The following ZBTB20 variants were observed in gnomAD, a reference collection of about 807,000 sequenced individuals.
The protein encoded by ZBTB20 is zinc finger and BTB domain-containing protein 20.
In ZBTB20, 9 loss-of-function variants were observed where a neutral mutation model predicts 56.9. That is an observed-to-expected ratio of 0.16 (90% confidence interval 0.10 to 0.28). The LOEUF is 0.28. Among genes scored for constraint, ZBTB20 ranks in the 10% least tolerant of loss-of-function variants. ZBTB20 has a pLI of 1.00. For missense variants in ZBTB20, 655 were observed against 1,003.0 expected, an observed-to-expected ratio of 0.65 and a Z score of 4.69; for synonymous variants, 417 against 420.7, an observed-to-expected ratio of 0.99 and a Z score of 0.11.
intron 1 of ZBTB20, among the ~76,000 whole-genome samples, chr3:115,106,720 A>C (rs916436985): frequency 4.6e-5 from 7 of 152,186 alleles, no homozygotes. Context: ...AGTCATTGGA[A>C]GTACATTTAT....
chr3:114,473,412 GA>G (rs1372611244), intron 7 of ZBTB20, among the ~76,000 whole-genome samples: 1 of 152,166 alleles, frequency 6.6e-6, no homozygotes, highest in Non-Finnish European at 1.5e-5. Flanking sequence ...AGTGAGTCAT[GA>G]AAAATGCATA....
chr3:114,909,658 A>T (rs1259232639), intron 3 of ZBTB20, among the ~76,000 whole-genome samples: 1 of 152,008 alleles, frequency 6.6e-6, no homozygotes, highest in African/African-American at 2.4e-5. Flanking sequence ...ATACGTGTAC[A>T]ATAGGCCATA....
intron 2 of ZBTB20, among the ~76,000 whole-genome samples, chr3:115,005,030 C>A (rs1054148935): frequency 6.6e-5 from 10 of 151,218 alleles, no homozygotes; most frequent in African/African-American, 2.4e-4. Flanking sequence ...TGTGTGTGGG[C>A]CTGTTTATGA....
At chr3:114,588,647 G>A (rs2055427535) in intron 6 of ZBTB20, among the ~76,000 whole-genome samples, 2 of 151,944 alleles carry the variant, frequency 1.3e-5, no homozygotes, top group South Asian at 4.2e-4. Flanking sequence ...AAGATCCCAG[G>A]GCAAAAATAT....
chr3:115,122,783 A>C (rs1241589662), intron 1 of ZBTB20, among the ~76,000 whole-genome samples: 3 of 152,226 alleles, frequency 2.0e-5, no homozygotes, highest in Non-Finnish European at 4.4e-5. Flanking sequence ...TAAGAACCTC[A>C]GTGTCCACCA....
intron 5 of ZBTB20, among the ~76,000 whole-genome samples, chr3:114,714,668 T>TTA (rs1454038609): frequency 6.6e-6 from 1 of 152,182 alleles, no homozygotes; most frequent in Non-Finnish European, 1.5e-5. Flanking sequence ...CAGAATGACA[T>TTA]TATACAAGGT....
At chr3:114,547,633 T>A (rs192426533) in intron 6 of ZBTB20, among the ~76,000 whole-genome samples, 5 of 152,212 alleles carry the variant, frequency 3.3e-5, no homozygotes, top group Admixed American at 3.3e-4. Flanking sequence ...TGTGAATGCA[T>A]GTGTGTTACT....
chr3:114,463,350 G>A (rs1184314016), intron 7 of ZBTB20, among the ~76,000 whole-genome samples: 1 of 152,144 alleles, frequency 6.6e-6, no homozygotes, highest in Non-Finnish European at 1.5e-5. Flanking sequence ...TGCCTCCAAG[G>A]TTTCCCCCTG....
chr3:114,571,011 T>C (rs967021350), intron 6 of ZBTB20, among the ~76,000 whole-genome samples: 1 of 152,178 alleles, frequency 6.6e-6, no homozygotes. Context: ...GACTTTTTGT[T>C]TTGTTTTTAT....
At chr3:114,697,035 GA>G (rs1191753621) in intron 5 of ZBTB20, among the ~76,000 whole-genome samples, 3 of 135,198 alleles carry the variant, frequency 2.2e-5, no homozygotes, top group Non-Finnish European at 4.6e-5. Context: ...CTTTCATTAA[GA>G]CTTTGGAGTT....
At chr3:115,129,502 G>A (rs972943323) in intron 1 of ZBTB20, among the ~76,000 whole-genome samples, 1 of 152,232 alleles carries the variant, frequency 6.6e-6, no homozygotes, top group Middle Eastern at 3.4e-3. Context: ...CCAAAAAAAT[G>A]GCCAATGGCA....
intron 4 of ZBTB20, among the ~76,000 whole-genome samples, chr3:114,844,804 ATGAT>A (rs1284823918): frequency 1.3e-5 from 2 of 149,290 alleles, no homozygotes; most frequent in Non-Finnish European, 3.0e-5. Context: ...TCTTCTAACA[ATGAT>A]TGATATTGAG....
intron 7 of ZBTB20, among the ~76,000 whole-genome samples, chr3:114,466,240 A>C (rs1349614777): frequency 6.6e-6 from 1 of 152,212 alleles, no homozygotes; most frequent in Non-Finnish European, 1.5e-5. Flanking sequence ...ACCCTCACTA[A>C]CACAATGTGC....
intron 2 of ZBTB20, among the ~76,000 whole-genome samples, chr3:115,045,753 G>A (rs1449608795): frequency 6.6e-6 from 1 of 152,032 alleles, no homozygotes; most frequent in East Asian, 1.9e-4. Flanking sequence ...TTTCAGAATA[G>A]ATTATTTCTT....
intron 4 of ZBTB20, among the ~76,000 whole-genome samples, chr3:114,861,103 C>T (rs780489475): frequency 5.3e-4 from 80 of 152,330 alleles, no homozygotes; most frequent in Non-Finnish European, 8.7e-4. Context: ...GACTGGAATG[C>T]TCTTCCTCTA....
At chr3:114,867,983 T>A (rs774374083) in intron 4 of ZBTB20, among the ~76,000 whole-genome samples, 1 of 152,104 alleles carries the variant, frequency 6.6e-6, no homozygotes, top group Non-Finnish European at 1.5e-5. Flanking sequence ...TTAGTTAGAT[T>A]TGGGGCCAGT....
chr3:115,096,195 T>C (rs1270025842), intron 1 of ZBTB20, among the ~76,000 whole-genome samples: 1 of 152,202 alleles, frequency 6.6e-6, no homozygotes, highest in Admixed American at 6.5e-5. Flanking sequence ...CTCTGGCAGG[T>C]ACACACCTGT....
At chr3:114,808,398 G>A (rs2072277622) in intron 4 of ZBTB20, among the ~76,000 whole-genome samples, 1 of 151,814 alleles carries the variant, frequency 6.6e-6, no homozygotes, top group Non-Finnish European at 1.5e-5. Flanking sequence ...TGAGAGAGAA[G>A]GTATCACCAC....
rs370247501 is a variant in ZBTB20 at position 114,973,546 on chromosome 3, G to A, written c.-456+820C>T. On this transcript the variant is annotated intron_variant, in intron 3 of 11. Transcript: ENST00000675478. ...ACTGCTGCTGCATTTGGAACAATTT[G>A]CATATCCCACTGCTAAACGGAATGT... Among the ~76,000 whole-genome samples the A allele has an allele frequency of 5.3e-5, 8 of 152,238 alleles. No individual in the cohort carries two copies. In the East Asian group the frequency reaches 5.8e-4, roughly 11 times the overall value.
Sources: gnomAD v4.1 joint callset for allele counts (sites outside exome capture counted in the v4.1 genomes callset) on GRCh38, gnomAD v4.1.1 for gene constraint, MANE v1.5 for transcripts, NCBI Gene and HGNC (gene_info 2026-07-23, HGNC 2026-07-21) for gene names.